The following ZNF518B variants were observed in gnomAD, a reference collection of about 807,000 sequenced individuals.
ZNF518B encodes the protein zinc finger protein 518B.
Under a neutral mutation model 56.3 loss-of-function variants are expected in ZNF518B, and 23 were observed. The observed-to-expected ratio is 0.41, with a 90% CI of 0.29 to 0.58. ZNF518B has a LOEUF of 0.58. ZNF518B is among the 20% of genes least tolerant of loss of function. ZNF518B has a pLI of 0.32. For missense variants in ZNF518B, 1,460 were observed against 1,272.1 expected, an observed-to-expected ratio of 1.15 and a Z score of -2.25; for synonymous variants, 529 against 465.9, an observed-to-expected ratio of 1.14 and a Z score of -1.74.
chr4:10,460,007 A>G (rs988377122), upstream of ZNF518B, among the ~76,000 whole-genome samples: 1 of 152,030 alleles, frequency 6.6e-6, no homozygotes, highest in Admixed American at 6.6e-5. Context: ...TCATGCATTC[A>G]ACAAAACATG....
In ZNF518B at chr4:10,443,149, T is replaced by C. The variant is rs1714757405; in HGVS notation, c.3180A>G (p.Ile1060Met). Residue 1060 changes from isoleucine (I) to methionine (M), a missense_variant, in exon 3 of 3, where the codon ATA becomes ATG. Transcript: ENST00000326756. Reference sequence around the variant, plus strand: ...GAACATCCCAATCTCTAGTTGCTTCTATCAAATGCCGTTGGCCATGACTCA... The same window carrying C: ...GAACATCCCAATCTCTAGTTGCTTCCATCAAATGCCGTTGGCCATGACTCA... Reference protein sequence around the residue: ...EWMSHGQRHLIEATRDWDVLS... With the variant: ...EWMSHGQRHLMEATRDWDVLS... 2.5e-6 allele frequency: 4 copies of C among 1,614,112 alleles called. No individual in the cohort carries two copies. Among genetic ancestry groups the C allele is most frequent in the Non-Finnish European group, 3.4e-6 (4 of 1,179,996 alleles).
In ZNF518B at chr4:10,441,759, G is replaced by A. The variant is rs1229165924; in HGVS notation, c.*1345C>T. On this transcript the variant is annotated 3_prime_UTR_variant, in exon 3 of 3. Coordinates refer to ENST00000326756, the MANE Select transcript of ZNF518B (RefSeq NM_053042.3). ...GGGCCTTTTTCTAAAGAACACAAAT[G>A]TGTAGATAAATGACAGTCCTGACAT... The A allele has an allele frequency of 6.6e-6, 1 of 152,244 alleles. No individual in the cohort carries two copies. The highest frequency in any genetic ancestry group is 2.4e-5 in the African/African-American group (1 of 41,456). 9.4% of individuals were successfully genotyped at this position (152,244 alleles called of 1,614,324 possible).
chr4:10,446,584 G>T, intron 2 of ZNF518B, 45 bp from the exon 3 acceptor site: 2 of 403,304 alleles, frequency 5.0e-6, no homozygotes, highest in Non-Finnish European at 4.6e-6. Flanking sequence ...ATAAGAGTTT[G>T]GCTAAGCTAT....
chr4:10,444,134 C>G lies in ZNF518B; in HGVS notation c.2195G>C (p.Gly732Ala), dbSNP rs1324117612. The G allele has an allele frequency of 6.2e-7, 1 of 1,614,056 alleles. No homozygotes were observed. The highest frequency in any genetic ancestry group is 8.5e-7 in the Non-Finnish European group (1 of 1,180,044). ...GTLQKPPNDG[G>A]ITGNRQLTHQ... ...AGTAAGCTGTCTATTACCAGTAATA[C>G]CACCATCATTCGGAGGTTTCTGAAG... The change falls in exon 3 of 3, where the codon GGT becomes GCT. Residue 732 changes from glycine to alanine, a missense_variant. Coordinates refer to ENST00000326756, the MANE Select transcript of ZNF518B (RefSeq NM_053042.3).
chr4:10,452,172 C>T (rs1018748123), intron 2 of ZNF518B: 2 of 152,196 alleles, frequency 1.3e-5, no homozygotes, highest in African/African-American at 4.8e-5. Context: ...CCATGAAGAT[C>T]ACATGAAATG....
intron 1 of ZNF518B, among the ~76,000 whole-genome samples, chr4:10,456,714 G>A (rs1419078938): frequency 1.3e-5 from 2 of 152,164 alleles, no homozygotes; most frequent in East Asian, 3.9e-4. Context: ...GGCGCGTCCC[G>A]CTCGCCGCGA....
chr4:10,444,779 C>T lies in ZNF518B; in HGVS notation c.1550G>A (p.Gly517Glu). The change falls in exon 3 of 3, where the codon GGA (glycine) becomes GAA (glutamate). Residue 517 changes from glycine (G) to glutamate (E), a missense_variant. By Grantham distance (98) the Gly-to-Glu change is moderately conservative (BLOSUM62 -2). Transcript: ENST00000326756. ...YKAAVCFAESGRNLHSSSQQL... is the reference protein window; with the variant it reads ...YKAAVCFAESERNLHSSSQQL... ...CTGTGAGCTACTGTGTAAATTTCTT[C>T]CACTTTCAGCAAAACAAACAGCAGC... The T allele has an allele frequency of 6.2e-7, 1 of 1,613,700 alleles. No homozygotes were observed. Among genetic ancestry groups the T allele is most frequent in the Non-Finnish European group, 8.5e-7 (1 of 1,179,790 alleles).
Position 10,445,605 on chromosome 4 carries a change from G to A in ZNF518B, c.724C>T (p.Leu242Phe). The change falls in exon 3 of 3, where the codon CTT becomes TTT. Residue 242 changes from leucine to phenylalanine, a missense_variant. Transcript: ENST00000326756. Reference protein sequence around the residue: ...RTGTSKQNPELLKASNPRTTF... With the variant: ...RTGTSKQNPEFLKASNPRTTF... ...GTCCGTGGATTGGAAGCTTTTAGAA[G>A]CTCTGGGTTTTGTTTTGAAGTTCCG... 6.2e-7 allele frequency: 1 copy of A among 1,614,160 alleles called. No homozygotes were observed. The highest frequency in any genetic ancestry group is 1.1e-5 in the South Asian group (1 of 91,084).
rs1714854891 is a variant in ZNF518B, at chr4:10,444,307, C to T, written c.2022G>A (p.Glu674=). ...LLRRKIAQLI[E]SCGKPSSLAS... ...CCAAAGATGACGGCTTCCCACAGGACTCAATTAACTGAGCTATCTTTCTGC... is the reference window on the plus strand; with the variant it reads ...CCAAAGATGACGGCTTCCCACAGGATTCAATTAACTGAGCTATCTTTCTGC... The change falls in exon 3 of 3, where the codon GAG becomes GAA. Residue 674 remains glutamate (E), a synonymous_variant. Transcript: ENST00000326756. 6.2e-7 allele frequency: 1 copy of T among 1,614,076 alleles called. No individual in the cohort carries two copies. The highest frequency in any genetic ancestry group is 1.3e-5 in the African/African-American group (1 of 74,930).
At chr4:10,447,054 T>A (rs1279092735) in intron 2 of ZNF518B, among the ~76,000 whole-genome samples, 6 of 152,206 alleles carry the variant, frequency 3.9e-5, no homozygotes, top group Admixed American at 3.9e-4. Flanking sequence ...TTTGCCTTCA[T>A]GAGTGCTAAG....
At position 10,453,075 on chromosome 4, in the gene ZNF518B, A is replaced by G. The variant is rs1016347692; in HGVS notation, c.-212+1730T>C. 5 of 152,366 alleles carry G rather than the reference A, an allele frequency of 3.3e-5. No individual in the cohort carries two copies. In the East Asian group the frequency reaches 5.8e-4, roughly 18 times the overall value. The allele number at this position is 152,366 out of a possible 1,614,324, so 9.4% of individuals were successfully genotyped here. On this transcript the variant is annotated intron_variant, in intron 2 of 2. Transcript: ENST00000326756. ...ACCTAGGTGTTTGGTTTACTAGCACATGATTTCAAACTTGTTAACCTATCT... is the reference window on the plus strand; with the variant it reads ...ACCTAGGTGTTTGGTTTACTAGCACGTGATTTCAAACTTGTTAACCTATCT...
In ZNF518B at chr4:10,441,370, T is replaced by C. The variant is rs1714671070; in HGVS notation, c.*1734A>G. Reference sequence around the variant, plus strand: ...TTGAATTATACAAAAGAAATGTTGATTATCTGTAATGAGAACAAACTGCAA... The same window carrying C: ...TTGAATTATACAAAAGAAATGTTGACTATCTGTAATGAGAACAAACTGCAA... On this transcript the variant is annotated 3_prime_UTR_variant, in exon 3 of 3. Transcript: ENST00000326756. 6.6e-6 allele frequency: 1 copy of C among 152,266 alleles called. No individual in the cohort carries two copies. The highest frequency in any genetic ancestry group is 1.5e-5 in the Non-Finnish European group (1 of 68,012). The allele number at this position is 152,266 out of a possible 1,614,324, so 9.4% of individuals were successfully genotyped here. A position where few individuals can be genotyped will look rare whatever the true frequency, so the allele number is the denominator to read the frequency against.
chr4:10,456,220 A>G (rs953701820), intron 1 of ZNF518B, among the ~76,000 whole-genome samples: 4 of 152,040 alleles, frequency 2.6e-5, no homozygotes, highest in African/African-American at 9.7e-5. Flanking sequence ...ACGTTGATAA[A>G]TCGTTCATTA....
chr4:10,447,299 T>C (rs1715101137), intron 2 of ZNF518B, among the ~76,000 whole-genome samples: 3 of 152,142 alleles, frequency 2.0e-5, no homozygotes, highest in Non-Finnish European at 2.9e-5. Flanking sequence ...GTGATGAGGT[T>C]GCGGGGCTGG....
Position 10,443,430 on chromosome 4 carries a change from T to C in ZNF518B, c.2899A>G (p.Lys967Glu). 1 of 1,614,242 alleles carries C rather than the reference T, an allele frequency of 6.2e-7. No homozygotes were observed. Among genetic ancestry groups the C allele is most frequent in the Non-Finnish European group, 8.5e-7 (1 of 1,180,036 alleles). ...AAAACAACTTTGAGGACATTGCCTT[T>C]GTATTTATTTATTACCTTCATCACA... is the stretch of plus-strand genomic sequence containing the variant. ...TNVMKVINKY[K>E]GNVLKVVLSE... The change falls in exon 3 of 3, where the codon AAA becomes GAA. Residue 967 changes from lysine to glutamate, a missense_variant. By Grantham distance (56) the Lys-to-Glu change is moderately conservative (BLOSUM62 1). Coordinates refer to ENST00000326756, the MANE Select transcript of ZNF518B (RefSeq NM_053042.3).
rs10938799 is a variant in ZNF518B at position 10,441,801 on chromosome 4, G to A, written c.*1303C>T. On this transcript the variant is annotated 3_prime_UTR_variant, in exon 3 of 3. Transcript: ENST00000326756. The stretch of plus-strand genomic sequence containing the variant: ...TCCTGACATCTGTTGGTAGAGAGGG[G>A]AGTGGAAGGAGTGTTCCTGGAGTTG... 32,874 of 152,252 alleles carry A rather than the reference G, an allele frequency of 0.22. 3,897 individuals carry two copies. The highest frequency in any genetic ancestry group is 0.27 in the Admixed American group (4,202 of 15,294). 9.4% of individuals were successfully genotyped at this position (152,252 alleles called of 1,614,324 possible). A position where few individuals can be genotyped will look rare whatever the true frequency, so the allele number is the denominator to read the frequency against.
intron 2 of ZNF518B, among the ~76,000 whole-genome samples, chr4:10,448,090 A>G (rs1379391446): frequency 6.6e-6 from 1 of 152,248 alleles, no homozygotes; most frequent in African/African-American, 2.4e-5. Context: ...AGATCTTCTG[A>G]ACCTCAGTTT....
intron 1 of ZNF518B, among the ~76,000 whole-genome samples, chr4:10,456,207 G>C (rs1443317399): frequency 6.6e-6 from 1 of 150,966 alleles, no homozygotes; most frequent in Non-Finnish European, 1.5e-5. Flanking sequence ...TTTTTTTAAT[G>C]TTACGTTGAT....
chr4:10,456,242 A>T (rs986296311), intron 1 of ZNF518B, among the ~76,000 whole-genome samples: 15 of 152,072 alleles, frequency 9.9e-5, no homozygotes, highest in South Asian at 2.1e-4. Flanking sequence ...TACAATTTTT[A>T]AAGTCAGAGG....
Sources: allele counts gnomAD v4.1 joint callset (sites outside exome capture counted in the v4.1 genomes callset), GRCh38; gene constraint gnomAD v4.1.1; transcripts MANE v1.5; gene names NCBI Gene and HGNC (gene_info 2026-07-23, HGNC 2026-07-21).